The following PTDSS1 variants were observed in gnomAD, a reference collection of about 807,000 sequenced individuals.
PTDSS1 encodes PSS-1.
PTDSS1 carries 45 observed loss-of-function variants against 70.5 expected under a neutral mutation model. The observed-to-expected ratio is 0.64, with a 90% confidence interval of 0.50 to 0.82. The LOEUF is 0.82. Ranked by LOEUF, PTDSS1 falls within the 40% of genes least tolerant of loss-of-function variation. The pLI, the probability that PTDSS1 is intolerant of heterozygous loss-of-function variation, is 0.00. For missense variants in PTDSS1, 417 were observed against 586.1 expected, an observed-to-expected ratio of 0.71 and a Z score of 2.98; for synonymous variants, 188 against 203.8, an observed-to-expected ratio of 0.92 and a Z score of 0.66.
rs142872439 is a variant in PTDSS1, at chr8:96,310,411, C to T, written c.1073+789C>T. 6.9e-3 allele frequency among the ~76,000 whole-genome samples: 1,047 copies of T among 151,944 alleles called. 7 individuals are homozygous for T. Among genetic ancestry groups the T allele is most frequent in the African/African-American group, 0.024 (992 of 41,462 alleles). On this transcript the variant is annotated intron_variant, in intron 9 of 12. Coordinates refer to ENST00000517309, the MANE Select transcript of PTDSS1 (RefSeq NM_014754.3). ...AACTCTGACCTCATGATCTGACCCC[C>T]TTGGCCTCCCAAAGTGCTGGGATTA... is the stretch of plus-strand genomic sequence containing the variant.
At chr8:96,270,464 A>C (rs1056215288) in intron 1 of PTDSS1, among the ~76,000 whole-genome samples, 2 of 152,098 alleles carry the variant, frequency 1.3e-5, no homozygotes, top group African/African-American at 4.8e-5. Flanking sequence ...GCCAGAGGGG[A>C]GTTTGGCATC....
chr8:96,320,177 A>G, intron 9 of PTDSS1, 69 bp from the exon 10 acceptor site: 3 of 1,306,544 alleles, frequency 2.3e-6, no homozygotes, highest in South Asian at 1.2e-5. Context: ...TCAATCATGC[A>G]TATTTTGGAT....
At chr8:96,321,444 G>A (rs1811371360) in intron 10 of PTDSS1, among the ~76,000 whole-genome samples, 2 of 152,126 alleles carry the variant, frequency 1.3e-5, no homozygotes, top group Non-Finnish European at 2.9e-5. Flanking sequence ...GTGATTGGTT[G>A]GCATGCCTTT....
chr8:96,266,836 T>C, intron 1 of PTDSS1, among the ~76,000 whole-genome samples: 1 of 152,248 alleles, frequency 6.6e-6, no homozygotes, highest in East Asian at 1.9e-4. Context: ...ATGTTTTACA[T>C]TTTTTCTTAT....
chr8:96,274,649 C>T (rs1164270379), intron 2 of PTDSS1, among the ~76,000 whole-genome samples: 24 of 152,114 alleles, frequency 1.6e-4, no homozygotes, highest in African/African-American at 5.8e-4. Flanking sequence ...CGTTTGAACC[C>T]GGGAGGCGGA....
intron 4 of PTDSS1, 102 bp downstream of exon 4, chr8:96,287,248 C>T (rs1425078301): frequency 8.9e-6 from 13 of 1,459,784 alleles, no homozygotes; most frequent in Non-Finnish European, 9.3e-7. Flanking sequence ...TCTGTATTTC[C>T]TGTGTAGTTA....
chr8:96,272,788 A>T (rs934457034), intron 1 of PTDSS1, among the ~76,000 whole-genome samples: 2 of 152,210 alleles, frequency 1.3e-5, no homozygotes, highest in Admixed American at 1.3e-4. Flanking sequence ...TAATGTTGTC[A>T]TCATCATTCC....
intron 1 of PTDSS1, 101 bp from the exon 2 acceptor site, chr8:96,273,198 T>C: frequency 1.4e-6 from 1 of 734,910 alleles, no homozygotes; most frequent in Non-Finnish European, 2.2e-6. Flanking sequence ...CTGTCATACA[T>C]CTGGCAGTCC....
intron 9 of PTDSS1, among the ~76,000 whole-genome samples, chr8:96,315,001 T>A (rs11786602): frequency 6.6e-6 from 1 of 151,956 alleles, no homozygotes; most frequent in Admixed American, 6.6e-5. Flanking sequence ...GAGTTTGCCA[T>A]CCAAGACCCG....
chr8:96,267,416 A>C (rs1167423784), intron 1 of PTDSS1, among the ~76,000 whole-genome samples: 1 of 152,152 alleles, frequency 6.6e-6, no homozygotes, highest in Non-Finnish European at 1.5e-5. Context: ...TTTGCTCAGC[A>C]AACTCCCAAC....
At chr8:96,286,813 G>A (rs1275354172) in intron 3 of PTDSS1, among the ~76,000 whole-genome samples, 3 of 152,208 alleles carry the variant, frequency 2.0e-5, no homozygotes. Context: ...GTTTCTCAGA[G>A]ATGGTTTTCT....
intron 4 of PTDSS1, among the ~76,000 whole-genome samples, chr8:96,289,745 C>G (rs770626925): frequency 6.6e-6 from 1 of 152,078 alleles, no homozygotes; most frequent in Non-Finnish European, 1.5e-5. Flanking sequence ...TAATCATTCC[C>G]CCATGGTGAC....
At chr8:96,324,545 G>A (rs1425569525) in intron 10 of PTDSS1, among the ~76,000 whole-genome samples, 2 of 152,196 alleles carry the variant, frequency 1.3e-5, no homozygotes, top group Admixed American at 1.3e-4. Flanking sequence ...CATCCAGTGA[G>A]GTCATCCCAT....
chr8:96,293,059 C>G (rs188084162), intron 4 of PTDSS1, among the ~76,000 whole-genome samples: 7 of 152,354 alleles, frequency 4.6e-5, no homozygotes, highest in Admixed American at 4.6e-4. Context: ...TACCCAACCC[C>G]TTTCTTCCCA....
chr8:96,327,965 G>A (rs1262291451), intron 10 of PTDSS1, among the ~76,000 whole-genome samples: 1 of 152,190 alleles, frequency 6.6e-6, no homozygotes, highest in Non-Finnish European at 1.5e-5. Flanking sequence ...GCTTCCGTTT[G>A]CTGGGACAAG....
intron 9 of PTDSS1, among the ~76,000 whole-genome samples, chr8:96,316,876 C>A (rs1452206023): frequency 6.6e-6 from 1 of 151,942 alleles, no homozygotes; most frequent in Non-Finnish European, 1.5e-5. Flanking sequence ...CGCCTGTAGT[C>A]CCAGCTACTC....
chr8:96,276,976 G>A (rs940717044), intron 2 of PTDSS1, among the ~76,000 whole-genome samples: 11,766 of 106,580 alleles, frequency 0.11, 1,666 homozygotes, highest in African/African-American at 0.34. Context: ...GCGCGCACGC[G>A]CGCGCACACA....
chr8:96,311,766 G>A (rs1417706546), intron 9 of PTDSS1, among the ~76,000 whole-genome samples: 1 of 152,214 alleles, frequency 6.6e-6, no homozygotes, highest in South Asian at 2.1e-4. Flanking sequence ...CTTTGTTCAT[G>A]ATATAGCAGG....
chr8:96,289,657 C>T (rs765693046), intron 4 of PTDSS1, among the ~76,000 whole-genome samples: 15 of 152,044 alleles, frequency 9.9e-5, no homozygotes, highest in African/African-American at 2.7e-4. Flanking sequence ...AAAAGGAGAA[C>T]GGGAATTTGG....
Sources: gnomAD v4.1 joint callset for allele counts (sites outside exome capture counted in the v4.1 genomes callset) on GRCh38, gnomAD v4.1.1 for gene constraint, MANE v1.5 for transcripts, NCBI Gene and HGNC (gene_info 2026-07-23, HGNC 2026-07-21) for gene names.